THSD7B: variants seen among roughly 807,000 people sequenced by gnomAD.
THSD7B encodes the protein thrombospondin type-1 domain-containing protein 7B.
THSD7B carries 138 observed loss-of-function variants against 213.6 expected under a neutral mutation model. The ratio of observed to expected loss-of-function variants is 0.65; its 90% CI spans 0.56 to 0.74. THSD7B has a LOEUF of 0.74. Among genes scored for constraint, THSD7B ranks in the 30% least tolerant of loss-of-function variants. The probability of loss-of-function intolerance (pLI) is 0.00; values close to 1 mark genes in which losing one functional copy is unlikely to be tolerated. For synonymous variants in THSD7B, 742 were observed against 687.0 expected (o/e 1.08, Z -1.25); for missense variants, 1,931 against 1,991.5 (o/e 0.97, Z 0.58).
chr2:137,238,775 G>T (rs1054718220), intron 9 of THSD7B, among the ~76,000 whole-genome samples: 1 of 148,972 alleles, frequency 6.7e-6, no homozygotes, highest in Non-Finnish European at 1.5e-5. Flanking sequence ...GGATGGTCTC[G>T]ATCTCCTGAC....
intron 2 of THSD7B, among the ~76,000 whole-genome samples, chr2:136,969,749 G>C (rs1416318166): frequency 6.6e-6 from 1 of 152,222 alleles, no homozygotes; most frequent in East Asian, 1.9e-4. Context: ...GAAAGACCAA[G>C]GAATACTAGT....
In THSD7B at chr2:136,785,389, G is replaced by A. The variant is rs768420364; in HGVS notation, c.-36+19702G>A. On this transcript the variant is annotated intron_variant, in intron 1 of 27. Transcript: ENST00000409968. ...TAGCCCCTCTGCCTGGCCCCTGGCTGCTGTCACTACCCTGCCACCTTGGCC... is the reference window on the plus strand; with the variant it reads ...TAGCCCCTCTGCCTGGCCCCTGGCTACTGTCACTACCCTGCCACCTTGGCC... 1.1e-3 allele frequency among the ~76,000 whole-genome samples: 174 copies of A among 152,240 alleles called. 1 individual carries two copies. The highest frequency in any genetic ancestry group is 3.4e-3 in the Middle Eastern group (1 of 294).
chr2:137,599,608 C>A (rs887445055), intron 17 of THSD7B, among the ~76,000 whole-genome samples: 1 of 151,850 alleles, frequency 6.6e-6, no homozygotes, highest in Admixed American at 6.6e-5. Context: ...ACTAGAAATA[C>A]CATTTGACCC....
intron 17 of THSD7B, among the ~76,000 whole-genome samples, chr2:137,588,340 C>A (rs889438962): frequency 1.3e-5 from 2 of 152,308 alleles, no homozygotes; most frequent in South Asian, 4.1e-4. Flanking sequence ...CACCCACCGT[C>A]CTGCACCCAT....
intron 5 of THSD7B, among the ~76,000 whole-genome samples, chr2:137,159,440 A>C (rs1359457183): frequency 6.6e-6 from 1 of 151,554 alleles, no homozygotes; most frequent in Non-Finnish European, 1.5e-5. Flanking sequence ...AAAAAAATTA[A>C]TTAATTAATT....
intron 2 of THSD7B, among the ~76,000 whole-genome samples, chr2:137,016,010 T>TA (rs1686333092): frequency 6.6e-6 from 1 of 152,182 alleles, no homozygotes; most frequent in Non-Finnish European, 1.5e-5. Flanking sequence ...TCAATTTGCA[T>TA]AATAAAAGAG....
intron 15 of THSD7B, among the ~76,000 whole-genome samples, chr2:137,506,755 A>G (rs1183007531): frequency 6.6e-6 from 1 of 152,208 alleles, no homozygotes; most frequent in Non-Finnish European, 1.5e-5. Flanking sequence ...TTCAGTGCTA[A>G]TGGACTGTAA....
At chr2:136,804,158 A>G (rs1239707852) in intron 1 of THSD7B, among the ~76,000 whole-genome samples, 1 of 152,154 alleles carries the variant, frequency 6.6e-6, no homozygotes, top group East Asian at 1.9e-4. Context: ...AATGTGGTGC[A>G]TTGGAAAGTG....
At chr2:137,635,713 G>A (rs13396053) in intron 20 of THSD7B, among the ~76,000 whole-genome samples, 44,062 of 151,552 alleles carry the variant, frequency 0.29, 6,909 homozygotes, top group African/African-American at 0.38. Flanking sequence ...AAAATATTCC[G>A]CAAGTTTCTT....
chr2:137,365,508 T>C (rs1050402777), intron 12 of THSD7B, among the ~76,000 whole-genome samples: 1 of 152,192 alleles, frequency 6.6e-6, no homozygotes, highest in African/African-American at 2.4e-5. Flanking sequence ...AAAGGGCTAA[T>C]ATCCAGAATC....
intron 12 of THSD7B, among the ~76,000 whole-genome samples, chr2:137,393,331 C>T (rs1686088676): frequency 6.6e-6 from 1 of 151,674 alleles, no homozygotes; most frequent in African/African-American, 2.4e-5. Context: ...CCACCACAGC[C>T]CCCATAGTGT....
intron 12 of THSD7B, among the ~76,000 whole-genome samples, chr2:137,393,179 C>CT (rs1686079471): frequency 7.6e-6 from 1 of 132,116 alleles, no homozygotes; most frequent in Non-Finnish European, 1.6e-5. Flanking sequence ...TTTTATTATA[C>CT]TTTAAGTTTT....
chr2:137,175,284 G>A (rs1304174449), intron 7 of THSD7B, among the ~76,000 whole-genome samples: 1 of 152,144 alleles, frequency 6.6e-6, no homozygotes, highest in East Asian at 1.9e-4. Flanking sequence ...GAAAAAAAGT[G>A]TTTACATGTT....
chr2:137,449,000 T>C (rs994558324), intron 14 of THSD7B, among the ~76,000 whole-genome samples: 1 of 152,180 alleles, frequency 6.6e-6, no homozygotes, highest in Non-Finnish European at 1.5e-5. Flanking sequence ...TTTTGTAAAG[T>C]GTGTTGACTT....
At chr2:136,984,923 A>G (rs1030786195) in intron 2 of THSD7B, among the ~76,000 whole-genome samples, 24 of 152,148 alleles carry the variant, frequency 1.6e-4, no homozygotes, top group African/African-American at 5.8e-4. Flanking sequence ...CTTAGCAGAG[A>G]ACTTAGCTGC....
At position 137,402,149 on chromosome 2, in the gene THSD7B, A is replaced by T. The variant is rs547864415; in HGVS notation, c.2501-3464A>T. Among the ~76,000 whole-genome samples, 4 of 152,328 alleles carry T rather than the reference A, an allele frequency of 2.6e-5. No individual in the cohort carries two copies. In the South Asian group the frequency reaches 8.3e-4, roughly 32 times the overall value. On this transcript the variant is annotated intron_variant, in intron 12 of 27. Transcript: ENST00000409968. ...GTGAGACATTGTCTTAAGAATTCTC[A>T]CTAGACTTTTTTATAGTCTTGTGAT...
At chr2:137,152,238 A>G (rs895843161) in intron 5 of THSD7B, among the ~76,000 whole-genome samples, 2 of 152,058 alleles carry the variant, frequency 1.3e-5, no homozygotes, top group South Asian at 2.1e-4. Context: ...TACTTTAACA[A>G]CACTTACCTT....
intron 12 of THSD7B, among the ~76,000 whole-genome samples, chr2:137,316,819 T>A (rs1441900756): frequency 6.6e-6 from 1 of 151,244 alleles, no homozygotes; most frequent in Non-Finnish European, 1.5e-5. Context: ...ATATGGTAAT[T>A]TTGATGGGGA....
intron 7 of THSD7B, among the ~76,000 whole-genome samples, chr2:137,171,207 C>CA (rs34143927): frequency 6.6e-6 from 1 of 151,828 alleles, no homozygotes; most frequent in East Asian, 1.9e-4. Context: ...TTTAATTTGT[C>CA]AAAAAAACAG....
Sources: gnomAD v4.1 joint callset for allele counts (sites outside exome capture counted in the v4.1 genomes callset) on GRCh38, gnomAD v4.1.1 for gene constraint, MANE v1.5 for transcripts, NCBI Gene and HGNC (gene_info 2026-07-23, HGNC 2026-07-21) for gene names.